ZNF239: variants seen among roughly 807,000 people sequenced by gnomAD.
ZNF239 encodes the protein zinc finger protein 239.
A neutral mutation model predicts 27.5 loss-of-function variants in ZNF239; 16 were observed. That is an observed-to-expected ratio of 0.58 (90% confidence interval 0.39 to 0.88). The LOEUF (loss-of-function observed/expected upper bound fraction) is 0.88. Among genes scored for constraint, ZNF239 ranks in the 40% least tolerant of loss-of-function variants. The probability of loss-of-function intolerance (pLI) is 0.00; values close to 1 mark genes in which losing one functional copy is unlikely to be tolerated. For synonymous variants in ZNF239, 199 were observed against 192.6 expected (o/e 1.03, Z -0.27); for missense variants, 527 against 551.9 (o/e 0.95, Z 0.45).
chr10:43,561,879 TAAAC>T (rs978634894), intron 3 of ZNF239, among the ~76,000 whole-genome samples: 3 of 151,522 alleles, frequency 2.0e-5, no homozygotes, highest in African/African-American at 7.3e-5. Context: ...AAGAAAAAAA[TAAAC>T]AAAACTCTAC....
intron 2 of ZNF239, chr10:43,570,467 C>A: frequency 2.0e-6 from 2 of 985,138 alleles, no homozygotes; most frequent in Non-Finnish European, 2.4e-6. Flanking sequence ...AAAAAAATTT[C>A]TTTCTGTTTA....
At chr10:43,563,622 T>C (rs749174764) in intron 3 of ZNF239, among the ~76,000 whole-genome samples, 3 of 152,242 alleles carry the variant, frequency 2.0e-5, no homozygotes, top group Non-Finnish European at 4.4e-5. Flanking sequence ...TGAACAAGTA[T>C]GTTCCATTTT....
chr10:43,566,775 T>A (rs1486663376), intron 3 of ZNF239, among the ~76,000 whole-genome samples: 1 of 152,230 alleles, frequency 6.6e-6, no homozygotes, highest in African/African-American at 2.4e-5. Context: ...ATACATCTAG[T>A]GGGTAAATAA....
intron 3 of ZNF239, among the ~76,000 whole-genome samples, chr10:43,561,068 C>T (rs369895714): frequency 3.9e-5 from 6 of 151,924 alleles, no homozygotes; most frequent in African/African-American, 1.5e-4. Context: ...GTAAAATGAA[C>T]ACATGGCTAA....
chr10:43,556,844 A>T lies in ZNF239; in HGVS notation c.1236T>A (p.Phe412Leu). 6.2e-7 allele frequency: 1 copy of T among 1,612,638 alleles called. No homozygotes were observed. Among genetic ancestry groups the T allele is most frequent in the Non-Finnish European group, 8.5e-7 (1 of 1,179,622 alleles). ...GGATGAGGAGTTTGGAACTCTGGCTAAATCCCTTCCCACACTTGCCACAGT... is the reference window on the plus strand; with the variant it reads ...GGATGAGGAGTTTGGAACTCTGGCTTAATCCCTTCCCACACTTGCCACAGT... The part of the protein sequence containing the change: ...PYHCGKCGKG[F>L]SQSSKLLIHQ... Residue 412 changes from phenylalanine to leucine, a missense_variant, in exon 4 of 4, where the codon TTT (phenylalanine) becomes TTA (leucine). Phe to Leu is a conservative substitution (Grantham distance 22). Transcript: ENST00000374446.
At chr10:43,560,530 C>T (rs983794600) in intron 3 of ZNF239, among the ~76,000 whole-genome samples, 2 of 146,258 alleles carry the variant, frequency 1.4e-5, no homozygotes, top group Admixed American at 1.4e-4. Context: ...TTAGCCCATC[C>T]GTGGGGCCAG....
In ZNF239 at chr10:43,573,561, CA is replaced by C. The variant is rs1321077855; in HGVS notation, c.-216+75del. The C allele has an allele frequency of 4.3e-6, 4 of 933,076 alleles. No individual in the cohort carries two copies. In the Admixed American group the frequency reaches 2.5e-4, roughly 58 times the overall value. 57.8% of individuals were successfully genotyped at this position (933,076 alleles called of 1,614,324 possible). A position where few individuals can be genotyped will look rare whatever the true frequency, so the allele number is the denominator to read the frequency against. ...ATAAAATACCGTACTGGGGGCCTGA[CA>C]ATAAAGAAAACAACACATGGCACAG... On this transcript the variant is annotated intron_variant, in intron 2 of 3. Transcript: ENST00000374446.
At position 43,573,697 on chromosome 10, in the gene ZNF239, G is replaced by C; in HGVS notation, c.-256-20C>G. The C allele has an allele frequency of 1.0e-6, 1 of 982,854 alleles. No individual in the cohort carries two copies. 60.9% of individuals were successfully genotyped at this position (982,854 alleles called of 1,614,324 possible). A position where few individuals can be genotyped will look rare whatever the true frequency, so the allele number is the denominator to read the frequency against. On this transcript the variant is annotated intron_variant, in intron 1 of 3. Transcript: ENST00000374446. ...GGATTCCTGGAAAGGCAGAGTTAGGGAAAGAGAAAAAGCCATGAAAATCAA... is the reference window on the plus strand; with the variant it reads ...GGATTCCTGGAAAGGCAGAGTTAGGCAAAGAGAAAAAGCCATGAAAATCAA...
intron 2 of ZNF239, among the ~76,000 whole-genome samples, chr10:43,568,909 G>T (rs2132295484): frequency 6.6e-6 from 1 of 152,272 alleles, no homozygotes; most frequent in East Asian, 1.9e-4. Context: ...AATTAGCCAG[G>T]CGTGGTGATG....
chr10:43,565,459 C>G (rs10793443), intron 3 of ZNF239, among the ~76,000 whole-genome samples: 81,287 of 151,926 alleles, frequency 0.54, 22,007 homozygotes, highest in South Asian at 0.61. Flanking sequence ...TTCCTTCATA[C>G]TTAATTTTTC....
chr10:43,556,655 A>C lies in ZNF239; in HGVS notation c.*48T>G. The C allele has an allele frequency of 6.4e-7, 1 of 1,561,612 alleles. No homozygotes were observed. Among genetic ancestry groups the C allele is most frequent in the African/African-American group, 1.4e-5 (1 of 73,380 alleles). On this transcript the variant is annotated 3_prime_UTR_variant, in exon 4 of 4. Coordinates refer to ENST00000374446, the MANE Select transcript of ZNF239 (RefSeq NM_001099282.2). ...GTAAGAGTGATACTAAATATTTAAC[A>C]GTTTTTACAGTATGAGCGCTGTGAA...
chr10:43,557,529 C>T lies in ZNF239; in HGVS notation c.551G>A (p.Cys184Tyr). The T allele has an allele frequency of 6.2e-7, 1 of 1,614,158 alleles. No homozygotes were observed. The highest frequency in any genetic ancestry group is 8.5e-7 in the Non-Finnish European group (1 of 1,180,026). The stretch of plus-strand genomic sequence containing the variant: ...TGGGCTGGTGTTAAGTATTTTCCCA[C>T]AGTTATTATGGTCACAGGGTTTCTC... ...TEEKPCDHNN[C>Y]GKILNTSPDG... The change falls in exon 4 of 4, where the codon TGT becomes TAT. Residue 184 changes from cysteine to tyrosine, a missense_variant. Coordinates refer to ENST00000374446, the MANE Select transcript of ZNF239 (RefSeq NM_001099282.2).
At chr10:43,570,914 T>TA in intron 2 of ZNF239, 1 of 985,024 alleles carries the variant, frequency 1.0e-6, no homozygotes, top group Middle Eastern at 5.2e-4. Context: ...AACTTTGTGG[T>TA]AGGTAAAAAA....
At chr10:43,562,932 G>T (rs1469938935) in intron 3 of ZNF239, among the ~76,000 whole-genome samples, 1 of 152,142 alleles carries the variant, frequency 6.6e-6, no homozygotes, top group Non-Finnish European at 1.5e-5. Context: ...GAAATTATAG[G>T]TATATGAAAA....
intron 2 of ZNF239, chr10:43,568,237 C>T: frequency 1.0e-6 from 1 of 985,538 alleles, no homozygotes; most frequent in Non-Finnish European, 1.2e-6. Flanking sequence ...CTGCCCACAA[C>T]ATATCTACGC....
chr10:43,572,828 C>G (rs76163658), intron 2 of ZNF239, among the ~76,000 whole-genome samples: 1 of 152,082 alleles, frequency 6.6e-6, no homozygotes, highest in Non-Finnish European at 1.5e-5. Flanking sequence ...TAAAAAAGTA[C>G]GACTTGGTAA....
At chr10:43,568,529 C>T in intron 2 of ZNF239, 1 of 905,184 alleles carries the variant, frequency 1.1e-6, no homozygotes. Context: ...AAAATCACTT[C>T]CTATGCTTTC....
At position 43,558,052 on chromosome 10, in the gene ZNF239, C is replaced by T. The variant is rs925772791; in HGVS notation, c.28G>A (p.Asp10Asn). Residue 10 changes from aspartate (D) to asparagine (N), a missense_variant, in exon 4 of 4, where the codon GAT becomes AAT. Asp to Asn is a conservative substitution (Grantham distance 23). Coordinates refer to ENST00000374446, the MANE Select transcript of ZNF239 (RefSeq NM_001099282.2). ...TCCCCTCGATGATTCACAATACAAT[C>T]CTGACTTCCAGTAATTGTACTGGCC... MASTITGSQ[D>N]CIVNHRGEVD... 1.4e-5 allele frequency: 22 copies of T among 1,613,762 alleles called. No homozygotes were observed. In the Admixed American group the frequency reaches 3.0e-4, roughly 22 times the overall value.
chr10:43,566,782 A>G (rs545345354), intron 3 of ZNF239, among the ~76,000 whole-genome samples: 1 of 152,248 alleles, frequency 6.6e-6, no homozygotes, highest in African/African-American at 2.4e-5. Flanking sequence ...TAGTGGGTAA[A>G]TAATTTTTTC....
Sources: gnomAD v4.1 joint callset for allele counts (sites outside exome capture counted in the v4.1 genomes callset) on GRCh38, gnomAD v4.1.1 for gene constraint, MANE v1.5 for transcripts, NCBI Gene and HGNC (gene_info 2026-07-23, HGNC 2026-07-21) for gene names.